ATP13A3: variants seen among roughly 807,000 people sequenced by gnomAD.
The protein encoded by ATP13A3 is polyamine-transporting ATPase 13A3.
ATP13A3 carries 59 observed loss-of-function variants against 158.1 expected under a neutral mutation model. The observed-to-expected ratio is 0.37, with a 90% CI of 0.30 to 0.46. The LOEUF (loss-of-function observed/expected upper bound fraction) is 0.46, where lower values mean the gene tolerates loss of function less well. ATP13A3 is among the 20% of genes least tolerant of loss of function. The pLI is 1.00. For synonymous variants in ATP13A3, 491 were observed against 504.3 expected (o/e 0.97, Z 0.35); for missense variants, 1,166 against 1,525.2 (o/e 0.76, Z 3.92).
rs1252466170 is a variant in ATP13A3, at chr3:194,405,155, T to C, written c.*764A>G. 6.6e-6 allele frequency: 1 copy of C among 152,244 alleles called. No homozygotes were observed. The highest frequency in any genetic ancestry group is 2.4e-5 in the African/African-American group (1 of 41,454). 9.4% of individuals were successfully genotyped at this position (152,244 alleles called of 1,614,324 possible). A position where few individuals can be genotyped will look rare whatever the true frequency, so the allele number is the denominator to read the frequency against. On this transcript the variant is annotated 3_prime_UTR_variant, in exon 34 of 34. Coordinates refer to ENST00000645319, the MANE Select transcript of ATP13A3 (RefSeq NM_001367549.1). ...TCTTATTTCCTAGTGAAAAAGGTTC[T>C]ACAACATTTAACAGAAGCAAATTAG...
intron 2 of ATP13A3, among the ~76,000 whole-genome samples, chr3:194,474,815 G>A (rs530607006): frequency 2.7e-4 from 41 of 152,290 alleles, no homozygotes; most frequent in African/African-American, 9.9e-4. Context: ...TACAGCTGCT[G>A]CCGGCAAGTG....
intron 2 of ATP13A3, among the ~76,000 whole-genome samples, chr3:194,468,488 TCA>T (rs1227309270): frequency 1.3e-5 from 2 of 152,182 alleles, no homozygotes; most frequent in African/African-American, 4.8e-5. Flanking sequence ...ACTTATTTTT[TCA>T]CATTATGTAA....
chr3:194,404,376 A>G lies in ATP13A3; in HGVS notation c.*1543T>C, dbSNP rs1296423664. The G allele has an allele frequency of 4.7e-6, 1 of 214,370 alleles. No individual in the cohort carries two copies. 13.3% of individuals were successfully genotyped at this position (214,370 alleles called of 1,614,324 possible). ...AACATCATCCAGGTCTTTGCAGCAT[A>G]AAGAGTGAGAACCATTTGGTCCTAA... On this transcript the variant is annotated 3_prime_UTR_variant, in exon 34 of 34. Coordinates refer to ENST00000645319, the MANE Select transcript of ATP13A3 (RefSeq NM_001367549.1).
chr3:194,410,331 A>AAAAAAACC (rs869283016), intron 33 of ATP13A3, among the ~76,000 whole-genome samples: 1 of 132,942 alleles, frequency 7.5e-6, no homozygotes, highest in African/African-American at 2.9e-5. Flanking sequence ...AAAAAAAAAA[A>AAAAAAACC]CTGCTGGGCC....
At chr3:194,466,850 T>TA (rs1390674084) in intron 2 of ATP13A3, among the ~76,000 whole-genome samples, 1 of 152,136 alleles carries the variant, frequency 6.6e-6, no homozygotes, top group Non-Finnish European at 1.5e-5. Context: ...ATTTAAAAAT[T>TA]AATTCCCACC....
chr3:194,438,038 T>C (rs1490170320), intron 17 of ATP13A3, among the ~76,000 whole-genome samples: 16 of 152,104 alleles, frequency 1.1e-4, no homozygotes, highest in Admixed American at 1.0e-3. Context: ...CGTGCGCCTG[T>C]AATACCAGCT....
At chr3:194,458,028 C>T (rs1156732480) in intron 6 of ATP13A3, among the ~76,000 whole-genome samples, 3 of 152,188 alleles carry the variant, frequency 2.0e-5, no homozygotes, top group South Asian at 2.1e-4. Flanking sequence ...TCAGGTGATC[C>T]GCCCACCTTG....
chr3:194,455,945 A>G lies in ATP13A3; in HGVS notation c.578T>C (p.Val193Ala). The change falls in exon 8 of 34, where the codon GTA becomes GCA. Residue 193 changes from valine to alanine, a missense_variant. Physicochemically the swap from Val to Ala is moderately conservative, Grantham distance 64. Around this residue, in one of 3 missense-constraint regions of ATP13A3, gnomAD observed 997 missense variants for 1,341.2 expected, o/e 0.74. Coordinates refer to ENST00000645319, the MANE Select transcript of ATP13A3 (RefSeq NM_001367549.1). ...MHAYRKLLYG[V>A]NEIAVKVPSV... ...AGGCACTTTTACAGCAATTTCATTT[A>G]CTCCATAAAGCAGTTTTCTATAACA... The G allele has an allele frequency of 6.4e-7, 1 of 1,552,636 alleles. No homozygotes were observed. The highest frequency in any genetic ancestry group is 1.7e-4 in the Middle Eastern group (1 of 5,904).
intron 8 of ATP13A3, among the ~76,000 whole-genome samples, chr3:194,454,839 A>G (rs1050691221): frequency 9.2e-5 from 14 of 151,862 alleles, no homozygotes; most frequent in Admixed American, 9.2e-4. Context: ...AAAAAAAAAA[A>G]GGTAGGGCAA....
At chr3:194,430,422 G>C (rs1417881811) in intron 24 of ATP13A3, 107 bp from the exon 25 acceptor site, 1 of 1,212,064 alleles carries the variant, frequency 8.3e-7, no homozygotes, top group Admixed American at 2.1e-5. Flanking sequence ...AACACACCAA[G>C]ATTCCCCCAG....
At chr3:194,419,439 A>G (rs376254625) in intron 31 of ATP13A3, among the ~76,000 whole-genome samples, 14 of 152,078 alleles carry the variant, frequency 9.2e-5, no homozygotes, top group East Asian at 3.8e-4. Context: ...CTATTTTTTA[A>G]TTATGGCTAA....
At chr3:194,450,463 T>C (rs188699301) in intron 10 of ATP13A3, 187 bp from the exon 11 acceptor site, 1 of 560,966 alleles carries the variant, frequency 1.8e-6, no homozygotes, top group Non-Finnish European at 3.1e-6. Flanking sequence ...GTGTGTCAGC[T>C]AGTTAGTCTC....
chr3:194,403,814 C>A lies in ATP13A3; in HGVS notation c.*2105G>T. 2 of 231,584 alleles carry A rather than the reference C, an allele frequency of 8.6e-6. No homozygotes were observed. Among genetic ancestry groups the A allele is most frequent in the South Asian group, 1.0e-4 (2 of 19,212 alleles). 14.3% of individuals were successfully genotyped at this position (231,584 alleles called of 1,614,324 possible). Reference sequence around the variant, plus strand: ...CCACCTTGTCTATATTCAAATCTAACTTCCTACAAATGCTTTTCCAGCCAC... The same window carrying A: ...CCACCTTGTCTATATTCAAATCTAAATTCCTACAAATGCTTTTCCAGCCAC... On this transcript the variant is annotated 3_prime_UTR_variant, in exon 34 of 34. Transcript: ENST00000645319.
chr3:194,458,642 C>T (rs1719421953), intron 6 of ATP13A3, among the ~76,000 whole-genome samples: 2 of 152,146 alleles, frequency 1.3e-5, no homozygotes, highest in Admixed American at 6.5e-5. Context: ...CCCGCCTTGG[C>T]CTCTTAAAAT....
intron 30 of ATP13A3, among the ~76,000 whole-genome samples, chr3:194,421,304 A>G (rs1716350346): frequency 6.8e-6 from 1 of 147,548 alleles, no homozygotes; most frequent in Admixed American, 6.9e-5. Flanking sequence ...CTGTAATCCT[A>G]GCACTTTGGG....
At chr3:194,487,005 C>G (rs890077249), upstream of ATP13A3, 3 of 151,920 alleles carry the variant, frequency 2.0e-5, no homozygotes, top group African/African-American at 4.8e-5. Flanking sequence ...TCAGGACTCC[C>G]GCGCCGGATG....
intron 11 of ATP13A3, among the ~76,000 whole-genome samples, chr3:194,449,422 G>C (rs1358581791): frequency 6.6e-6 from 1 of 152,192 alleles, no homozygotes; most frequent in Non-Finnish European, 1.5e-5. Flanking sequence ...GCTCACGCCT[G>C]TAATTCCAAC....
At chr3:194,421,153 A>ATATATATACTATATATATAGTT (rs1716320505) in intron 30 of ATP13A3, among the ~76,000 whole-genome samples, 3 of 4,104 alleles carry the variant, frequency 7.3e-4, no homozygotes, top group Admixed American at 9.7e-3. Context: ...ATATATATAT[A>ATATATATACTATATATATAGTT]TATATATATA....
intron 9 of ATP13A3, among the ~76,000 whole-genome samples, chr3:194,454,045 T>C (rs1217201302): frequency 6.6e-6 from 1 of 152,156 alleles, no homozygotes; most frequent in East Asian, 1.9e-4. Context: ...GACAGTCAAG[T>C]GGTAGAGTCT....
Sources: allele counts gnomAD v4.1 joint callset (sites outside exome capture counted in the v4.1 genomes callset), GRCh38; gene constraint gnomAD v4.1.1; regional missense constraint gnomAD v4.1.1; transcripts MANE v1.5; gene names NCBI Gene and HGNC (gene_info 2026-07-23, HGNC 2026-07-21).